Variants in ZNF717 observed in about 807,000 individuals in gnomAD.
ZNF717 encodes krueppel-like factor X17.
Under a neutral mutation model 13.8 loss-of-function variants are expected in ZNF717, and 9 were observed. The ratio of observed to expected loss-of-function variants is 0.65; its 90% CI spans 0.39 to 1.14. The LOEUF (loss-of-function observed/expected upper bound fraction) is 1.14, where lower values mean the gene tolerates loss of function less well. ZNF717 is among the 50% of genes most tolerant of loss of function. The pLI is 0.01. For synonymous variants in ZNF717, 327 were observed against 364.1 expected (o/e 0.90, Z 1.16); for missense variants, 1,040 against 1,080.7 (o/e 0.96, Z 0.53).
intron 4 of ZNF717, among the ~76,000 whole-genome samples, chr3:75,717,389 T>C (rs955469813): frequency 6.6e-6 from 1 of 152,182 alleles, no homozygotes; most frequent in Non-Finnish European, 1.5e-5. Context: ...TTTGAACGGG[T>C]AGAAAATCTT....
At chr3:75,753,615 C>T (rs574568404) in intron 2 of ZNF717, among the ~76,000 whole-genome samples, 1,465 of 138,652 alleles carry the variant, frequency 0.011, 45 homozygotes, top group African/African-American at 0.037. Flanking sequence ...CATAGGATTC[C>T]TGAACACTGC....
chr3:75,752,453 A>T (rs1941950158), intron 2 of ZNF717, among the ~76,000 whole-genome samples: 1 of 129,170 alleles, frequency 7.7e-6, no homozygotes, highest in Non-Finnish European at 1.6e-5. Flanking sequence ...GCGGTTCTGA[A>T]TGTCCTCACA....
At chr3:75,698,551 C>T (rs1937629605) in intron 6 of ZNF717, among the ~76,000 whole-genome samples, 1 of 152,304 alleles carries the variant, frequency 6.6e-6, no homozygotes, top group African/African-American at 2.4e-5. Flanking sequence ...ACTCCAGTCA[C>T]TGCTTCAGGG....
chr3:75,700,487 C>T (rs2118759), intron 6 of ZNF717, among the ~76,000 whole-genome samples: 18,561 of 144,306 alleles, frequency 0.13, no homozygotes, highest in Non-Finnish European at 0.13. Context: ...CAAAGCTATG[C>T]TGAGTATATA....
intron 5 of ZNF717, among the ~76,000 whole-genome samples, chr3:75,715,103 T>C (rs1221658173): frequency 6.6e-6 from 1 of 152,220 alleles, no homozygotes; most frequent in East Asian, 1.9e-4. Flanking sequence ...CGATAGGTAA[T>C]CTAATAAGTG....
chr3:75,727,132 C>T (rs1397894808), downstream of ZNF717, among the ~76,000 whole-genome samples: 30 of 152,378 alleles, frequency 2.0e-4, no homozygotes, highest in African/African-American at 7.0e-4. Context: ...TTATGCCTGT[C>T]TTACTTTAAT....
chr3:75,735,411 A>G (rs1939040298), downstream of ZNF717, among the ~76,000 whole-genome samples: 1 of 152,036 alleles, frequency 6.6e-6, no homozygotes, highest in Admixed American at 6.6e-5. Flanking sequence ...AGATGGCTTG[A>G]GTCCAGGAGT....
At chr3:75,711,679 G>T (rs1345606634) in intron 5 of ZNF717, among the ~76,000 whole-genome samples, 1 of 152,146 alleles carries the variant, frequency 6.6e-6, no homozygotes, top group East Asian at 1.9e-4. Flanking sequence ...AGAGGATTGG[G>T]AGGTTGAGGA....
Position 75,745,166 on chromosome 3 carries a change from TTC to T in ZNF717, c.58-3432_58-3431del, listed in dbSNP as rs1575802251. ...CTGCTGTGGTCTGTTGTTTTTTTTT[TTC>T]TTTCTGTCTTTTTAAAATTACTTTA... On this transcript the variant is annotated intron_variant, in intron 2 of 4. Coordinates refer to ENST00000652011, the MANE Select transcript of ZNF717 (RefSeq NM_001290208.3). Among the ~76,000 whole-genome samples the T allele has an allele frequency of 5.6e-4, 79 of 142,124 alleles. No individual in the cohort carries two copies. In the South Asian group the frequency reaches 0.011, roughly 19 times the overall value. 93.2% of individuals were successfully genotyped at this position (142,124 alleles called of 152,430 possible). A position where few individuals can be genotyped will look rare whatever the true frequency, so the allele number is the denominator to read the frequency against.
At chr3:75,739,863 A>G (rs1940142186) in intron 4 of ZNF717, among the ~76,000 whole-genome samples, 1 of 152,146 alleles carries the variant, frequency 6.6e-6, no homozygotes, top group African/African-American at 2.4e-5. Context: ...TTAACCTTTC[A>G]CTCCTCCCTG....
intron 2 of ZNF717, among the ~76,000 whole-genome samples, chr3:75,747,575 C>T (rs1322504933): frequency 6.6e-6 from 1 of 152,162 alleles, no homozygotes; most frequent in African/African-American, 2.4e-5. Flanking sequence ...ACCTTCTTCA[C>T]AACCATTGTA....
chr3:75,697,447 A>G (rs1937615649), intron 6 of ZNF717, among the ~76,000 whole-genome samples: 1 of 39,174 alleles, frequency 2.6e-5, no homozygotes, highest in East Asian at 7.1e-4. Flanking sequence ...TCCTCATAAT[A>G]GTAAGTGAGT....
intron 2 of ZNF717, among the ~76,000 whole-genome samples, chr3:75,748,467 C>T (rs1252058960): frequency 2.4e-3 from 369 of 152,272 alleles, no homozygotes; most frequent in African/African-American, 8.6e-3. Flanking sequence ...CCTAATCCAG[C>T]AGCACATCAA....
In ZNF717 at chr3:75,737,646, C is replaced by A; in HGVS notation, c.1977G>T (p.Lys659Asn). Residue 659 changes from lysine (K) to asparagine (N), a missense_variant, in exon 5 of 5, where the codon AAG (lysine) becomes AAT (asparagine). Physicochemically the swap from Lys to Asn is moderately conservative, Grantham distance 94. Coordinates refer to ENST00000652011, the MANE Select transcript of ZNF717 (RefSeq NM_001290208.3). Reference sequence around the variant, plus strand: ...TTCTCTGGTGTATGGTGAGGAATGACTTGCGATGAAAGGTTTTTCCACATT... The same window carrying A: ...TTCTCTGGTGTATGGTGAGGAATGAATTGCGATGAAAGGTTTTTCCACATT... ...CNECGKTFHR[K>N]SFLTIHQRTH... 6.5e-7 allele frequency: 1 copy of A among 1,543,416 alleles called. No individual in the cohort carries two copies. The highest frequency in any genetic ancestry group is 2.5e-5 in the East Asian group (1 of 40,332).
At chr3:75,726,168 G>A (rs1266693220), downstream of ZNF717, among the ~76,000 whole-genome samples, 1 of 152,278 alleles carries the variant, frequency 6.6e-6, no homozygotes, top group Non-Finnish European at 1.5e-5. Context: ...TCACAATGAA[G>A]ATCACTAGGC....
chr3:75,771,551 T>A (rs1943869057), intron 2 of ZNF717, among the ~76,000 whole-genome samples: 1 of 152,240 alleles, frequency 6.6e-6, no homozygotes, highest in Admixed American at 6.5e-5. Flanking sequence ...GGGCTTCTAA[T>A]GACCCCCAGG....
intron 6 of ZNF717, among the ~76,000 whole-genome samples, chr3:75,699,182 G>A (rs1443213383): frequency 5.9e-5 from 9 of 151,678 alleles, no homozygotes; most frequent in African/African-American, 2.0e-4. Context: ...TGCCTAACTT[G>A]TTTTCTATTT....
chr3:75,771,210 A>T (rs534864242), intron 2 of ZNF717, among the ~76,000 whole-genome samples: 61 of 152,304 alleles, frequency 4.0e-4, no homozygotes, highest in South Asian at 1.7e-3. Context: ...AATGCTAAGC[A>T]CTGTAACCAG....
chr3:75,774,003 T>A (rs1430732796), intron 2 of ZNF717, among the ~76,000 whole-genome samples: 2 of 151,886 alleles, frequency 1.3e-5, no homozygotes, highest in Non-Finnish European at 2.9e-5. Flanking sequence ...TGAACCAAGA[T>A]CACACCATTG....
Sources: gnomAD v4.1 joint callset for allele counts (sites outside exome capture counted in the v4.1 genomes callset) on GRCh38, gnomAD v4.1.1 for gene constraint, MANE v1.5 for transcripts, NCBI Gene and HGNC (gene_info 2026-07-23, HGNC 2026-07-21) for gene names.